The following CD82 variants were observed in gnomAD, a reference collection of about 807,000 sequenced individuals.
CD82 encodes CD82 molecule.
CD82 carries 36 observed loss-of-function variants against 37.4 expected under a neutral mutation model. The observed-to-expected ratio is 0.96, with a 90% confidence interval of 0.74 to 1.27. The LOEUF (loss-of-function observed/expected upper bound fraction) is 1.27, where lower values mean the gene tolerates loss of function less well. Among genes scored for constraint, CD82 ranks in the 50% most tolerant of loss-of-function variants. The pLI is 0.00. For synonymous variants in CD82, 158 were observed against 137.4 expected (o/e 1.15, Z -1.05); for missense variants, 340 against 347.0 (o/e 0.98, Z 0.16).
chr11:44,566,888 G>A (rs943070243), intron 1 of CD82, among the ~76,000 whole-genome samples: 2 of 152,136 alleles, frequency 1.3e-5, no homozygotes, highest in Non-Finnish European at 2.9e-5. Flanking sequence ...CACTCTATTT[G>A]AGGGATGAGG....
At chr11:44,587,634 C>T (rs1237225795) in intron 2 of CD82, 78 bp downstream of exon 2, 5 of 454,526 alleles carry the variant, frequency 1.1e-5, no homozygotes, top group Non-Finnish European at 4.4e-6. Flanking sequence ...GGAGACCGAG[C>T]ATGGCCCTCA....
intron 6 of CD82, among the ~76,000 whole-genome samples, chr11:44,605,733 A>G (rs562890707): frequency 2.0e-5 from 3 of 152,362 alleles, no homozygotes; most frequent in East Asian, 1.9e-4. Context: ...AATGGAAACA[A>G]TAAGAAAACT....
At chr11:44,573,908 A>G (rs1852850505) in intron 1 of CD82, among the ~76,000 whole-genome samples, 1 of 152,178 alleles carries the variant, frequency 6.6e-6, no homozygotes, top group African/African-American at 2.4e-5. Context: ...TGCTGGTAAA[A>G]TGCTTCGTGG....
chr11:44,614,122 C>T (rs1853526663), intron 6 of CD82, among the ~76,000 whole-genome samples: 1 of 152,174 alleles, frequency 6.6e-6, no homozygotes, highest in Admixed American at 6.5e-5. Flanking sequence ...AAGCAATTCT[C>T]CTGCCTCAGC....
In CD82 at chr11:44,618,317, C is replaced by T. The variant is rs1172799217; in HGVS notation, c.594C>T (p.Asn198=). Residue 198 remains asparagine, a synonymous_variant, in exon 8 of 10, where the codon AAC becomes AAT. Transcript: ENST00000227155. The part of the protein sequence containing the change: ...VRKGFCEAPG[N]RTQSGNHPED... ...AGGGCTTCTGCGAGGCCCCCGGCAACAGGACCCAGAGTGGCAACCACCCTG... is the reference window on the plus strand; with the variant it reads ...AGGGCTTCTGCGAGGCCCCCGGCAATAGGACCCAGAGTGGCAACCACCCTG... 6 of 1,613,690 alleles carry T rather than the reference C, an allele frequency of 3.7e-6. No homozygotes were observed. The African/African-American group carries it at 4.0e-5, about 11-fold the overall frequency.
intron 4 of CD82, 80 bp downstream of exon 4, chr11:44,600,310 G>A: frequency 7.4e-7 from 1 of 1,344,956 alleles, no homozygotes; most frequent in Non-Finnish European, 1.1e-6. Context: ...GCTCCCATAA[G>A]TGCTTCGGCT....
chr11:44,618,312 G>A lies in CD82; in HGVS notation c.589G>A (p.Gly197Ser), dbSNP rs771739391. Residue 197 changes from glycine to serine, a missense_variant, in exon 8 of 10, where the codon GGC becomes AGC. Transcript: ENST00000227155. ...GAGGAAGGGCTTCTGCGAGGCCCCC[G>A]GCAACAGGACCCAGAGTGGCAACCA... ...SVRKGFCEAP[G>S]NRTQSGNHPE... 1.2e-5 allele frequency: 19 copies of A among 1,613,692 alleles called. No individual in the cohort carries two copies. Among genetic ancestry groups the A allele is most frequent in the East Asian group, 4.5e-5 (2 of 44,880 alleles).
intron 1 of CD82, among the ~76,000 whole-genome samples, chr11:44,583,517 TG>T (rs774662080): frequency 1.3e-5 from 2 of 152,146 alleles, no homozygotes; most frequent in East Asian, 3.9e-4. Flanking sequence ...CTCAGGGATC[TG>T]GGGTAGGGTC....
At chr11:44,603,548 G>T (rs1190800813) in intron 4 of CD82, among the ~76,000 whole-genome samples, 1 of 152,146 alleles carries the variant, frequency 6.6e-6, no homozygotes, top group Non-Finnish European at 1.5e-5. Flanking sequence ...GGAGCGTCTT[G>T]GTCGGGTTGT....
At chr11:44,578,168 T>A (rs1269391168) in intron 1 of CD82, among the ~76,000 whole-genome samples, 1 of 152,018 alleles carries the variant, frequency 6.6e-6, no homozygotes, top group Non-Finnish European at 1.5e-5. Flanking sequence ...TATTTACATA[T>A]CAATTTTCCT....
chr11:44,567,735 A>G (rs1016147071), intron 1 of CD82, among the ~76,000 whole-genome samples: 1 of 152,124 alleles, frequency 6.6e-6, no homozygotes, highest in African/African-American at 2.4e-5. Flanking sequence ...AAGCGACCAC[A>G]TAAGGCCTGC....
At chr11:44,615,416 T>A (rs1853549939) in intron 7 of CD82, 43 bp downstream of exon 7, 3 of 1,234,118 alleles carry the variant, frequency 2.4e-6, no homozygotes, top group Non-Finnish European at 3.6e-6. Flanking sequence ...GGCCTGGGTG[T>A]CCCTGCATTT....
At chr11:44,576,694 C>T (rs1322560577) in intron 1 of CD82, among the ~76,000 whole-genome samples, 1 of 152,210 alleles carries the variant, frequency 6.6e-6, no homozygotes, top group South Asian at 2.1e-4. Flanking sequence ...CAGTTTGGGA[C>T]ATCTGAGTCC....
intron 1 of CD82, among the ~76,000 whole-genome samples, chr11:44,569,337 C>G (rs1004246233): frequency 6.6e-6 from 1 of 152,172 alleles, no homozygotes; most frequent in Non-Finnish European, 1.5e-5. Context: ...CTGACTCACC[C>G]CCGGGCTTCC....
At chr11:44,610,184 C>T (rs1340198028) in intron 6 of CD82, among the ~76,000 whole-genome samples, 2 of 152,102 alleles carry the variant, frequency 1.3e-5, no homozygotes, top group Admixed American at 6.5e-5. Flanking sequence ...CACAGGAGCC[C>T]GAAAAGTTAC....
intron 4 of CD82, among the ~76,000 whole-genome samples, chr11:44,603,117 T>C (rs530828746): frequency 1.3e-5 from 2 of 152,144 alleles, no homozygotes; most frequent in Non-Finnish European, 2.9e-5. Context: ...CCCAGGAAGT[T>C]TAGGAAAAGT....
At chr11:44,601,420 G>A (rs1853307543) in intron 4 of CD82, among the ~76,000 whole-genome samples, 1 of 152,088 alleles carries the variant, frequency 6.6e-6, no homozygotes, top group African/African-American at 2.4e-5. Flanking sequence ...GGTTAGGGTG[G>A]GTGGGCTACC....
chr11:44,618,247 C>T lies in CD82; in HGVS notation c.524C>T (p.Ser175Phe), dbSNP rs773901832. The stretch of plus-strand genomic sequence containing the variant: ...CGCCCTGAGGTCACCTACCCCTGTT[C>T]CTGCGAAGTCAAGGGGGAAGAGGAC... Reference protein sequence around the residue: ...MNRPEVTYPCSCEVKGEEDNS... With the variant: ...MNRPEVTYPCFCEVKGEEDNS... The change falls in exon 8 of 10, where the codon TCC becomes TTC. Residue 175 changes from serine to phenylalanine, a missense_variant. Ser to Phe is a radical substitution (Grantham distance 155, BLOSUM62 -2). Transcript: ENST00000227155. The T allele has an allele frequency of 6.2e-7, 1 of 1,614,110 alleles. No individual in the cohort carries two copies. The highest frequency in any genetic ancestry group is 1.7e-5 in the Admixed American group (1 of 60,024).
chr11:44,603,557 G>A (rs909522521), intron 4 of CD82, among the ~76,000 whole-genome samples: 1 of 152,194 alleles, frequency 6.6e-6, no homozygotes, highest in African/African-American at 2.4e-5. Flanking sequence ...TGGTCGGGTT[G>A]TAACGGACTC....
Sources: allele counts gnomAD v4.1 joint callset (sites outside exome capture counted in the v4.1 genomes callset), GRCh38; gene constraint gnomAD v4.1.1; transcripts MANE v1.5; gene names NCBI Gene and HGNC (gene_info 2026-07-23, HGNC 2026-07-21).